The following EIF4E variants were observed in gnomAD, a reference collection of about 807,000 sequenced individuals.
EIF4E encodes the protein eIF-4F 25 kDa subunit.
For missense variants in EIF4E, 113 were observed against 265.6 expected (o/e 0.43, Z 3.99); for synonymous variants, 71 against 88.5 (o/e 0.80, Z 1.11).
chr4:98,881,991 A>G (rs1723711551), intron 6 of EIF4E, among the ~76,000 whole-genome samples: 1 of 152,200 alleles, frequency 6.6e-6, no homozygotes, highest in Admixed American at 6.5e-5. Flanking sequence ...AAAGCTGAGA[A>G]ATAAAAATTA....
intron 2 of EIF4E, among the ~76,000 whole-genome samples, chr4:98,898,991 G>A (rs968518056): frequency 1.3e-5 from 2 of 150,876 alleles, no homozygotes; most frequent in African/African-American, 2.4e-5. Context: ...TCCTAAAATT[G>A]ATATGAAACC....
intron 3 of EIF4E, 98 bp from the exon 4 acceptor site, chr4:98,888,050 CAG>C: frequency 4.8e-6 from 5 of 1,038,610 alleles, no homozygotes; most frequent in African/African-American, 1.6e-5. Context: ...TGAAAATAAA[CAG>C]ATAAAAGTTC....
At chr4:98,897,963 G>A (rs991914094) in intron 2 of EIF4E, among the ~76,000 whole-genome samples, 1 of 152,146 alleles carries the variant, frequency 6.6e-6, no homozygotes, top group Admixed American at 6.5e-5. Flanking sequence ...TCTTACACAG[G>A]TAAGAGATCC....
At chr4:98,881,651 C>A (rs1469819403) in intron 6 of EIF4E, among the ~76,000 whole-genome samples, 4 of 152,134 alleles carry the variant, frequency 2.6e-5, no homozygotes, top group African/African-American at 7.2e-5. Context: ...TATTACTACA[C>A]AAATTATATT....
chr4:98,922,553 CAAAAA>C (rs1157510228), intron 1 of EIF4E, among the ~76,000 whole-genome samples: 1 of 74,168 alleles, frequency 1.3e-5, no homozygotes, highest in African/African-American at 4.7e-5. Flanking sequence ...GACGCTGTCT[CAAAAA>C]AAAAAAAAAA....
chr4:98,918,255 C>G (rs1311939740), intron 1 of EIF4E, among the ~76,000 whole-genome samples: 1 of 146,438 alleles, frequency 6.8e-6, no homozygotes, highest in Non-Finnish European at 1.5e-5. Context: ...TCCAGCTGGT[C>G]GGGAGGCTGA....
chr4:98,918,557 T>C (rs1223970496), intron 1 of EIF4E, among the ~76,000 whole-genome samples: 1 of 152,130 alleles, frequency 6.6e-6, no homozygotes, highest in Non-Finnish European at 1.5e-5. Context: ...TTCAATCCGT[T>C]GTCAAAACAT....
At chr4:98,917,617 A>G (rs937470298) in intron 1 of EIF4E, among the ~76,000 whole-genome samples, 1 of 152,164 alleles carries the variant, frequency 6.6e-6, no homozygotes, top group African/African-American at 2.4e-5. Flanking sequence ...CATACATGGG[A>G]GGTTAATGTA....
rs1724979641 is a variant in EIF4E, at chr4:98,908,578, G to A, written c.19-6596C>T. Among the ~76,000 whole-genome samples, 2 of 152,186 alleles carry A rather than the reference G, an allele frequency of 1.3e-5. 1 individual carries two copies. Among genetic ancestry groups the A allele is most frequent in the South Asian group, 4.1e-4 (2 of 4,830 alleles). On this transcript the variant is annotated intron_variant, in intron 1 of 6. Coordinates refer to ENST00000450253, the MANE Select transcript of EIF4E (RefSeq NM_001968.5). ...ATATTAAATAAAGGTATGAAATAAT[G>A]AGCAGAAGGACAGACACAGTAAGAA...
At chr4:98,904,297 GAAGA>G (rs1432738776) in intron 1 of EIF4E, among the ~76,000 whole-genome samples, 1 of 152,104 alleles carries the variant, frequency 6.6e-6, no homozygotes, top group Non-Finnish European at 1.5e-5. Context: ...GAAGAAAGGG[GAAGA>G]AAGAAAAAGA....
At chr4:98,883,392 A>ATTTTT (rs1479416116) in intron 6 of EIF4E, among the ~76,000 whole-genome samples, 5 of 108,688 alleles carry the variant, frequency 4.6e-5, no homozygotes, top group Non-Finnish European at 7.2e-5. Context: ...TTGTAAGTCA[A>ATTTTT]ATTTTTTTTT....
intron 1 of EIF4E, among the ~76,000 whole-genome samples, chr4:98,904,473 T>C (rs1258816861): frequency 1.3e-5 from 2 of 152,148 alleles, no homozygotes; most frequent in Admixed American, 6.6e-5. Flanking sequence ...AGTCTTCATA[T>C]CAAGAACACA....
chr4:98,911,119 G>A (rs1435155813), intron 1 of EIF4E, among the ~76,000 whole-genome samples: 3 of 151,212 alleles, frequency 2.0e-5, no homozygotes, highest in Non-Finnish European at 4.4e-5. Flanking sequence ...GCGCGATCTC[G>A]GCTCACTGCA....
At chr4:98,895,488 C>A (rs1317997629) in intron 2 of EIF4E, 1 of 152,164 alleles carries the variant, frequency 6.6e-6, no homozygotes, top group African/African-American at 2.4e-5. Flanking sequence ...TTCTCATCAA[C>A]ACGAATGTTG....
chr4:98,888,547 GATTATAA>G (rs1170977452), intron 3 of EIF4E, among the ~76,000 whole-genome samples: 2 of 151,998 alleles, frequency 1.3e-5, no homozygotes, highest in Non-Finnish European at 2.9e-5. Context: ...TACATCTTGG[GATTATAA>G]TCACCTAAAT....
chr4:98,884,589 A>C (rs1379419475), intron 6 of EIF4E, among the ~76,000 whole-genome samples: 2 of 152,116 alleles, frequency 1.3e-5, no homozygotes, highest in African/African-American at 4.8e-5. Context: ...CTGTATTCCC[A>C]GCTACTCGGG....
At position 98,902,511 on chromosome 4, in the gene EIF4E, A is replaced by G. The variant is rs142204635; in HGVS notation, c.19-529T>C. 7.9e-4 allele frequency among the ~76,000 whole-genome samples: 121 copies of G among 152,376 alleles called. No homozygotes were observed. The East Asian group carries it at 0.014, about 17-fold the overall frequency. On this transcript the variant is annotated intron_variant, in intron 1 of 6. Transcript: ENST00000450253. ...CAAACGGTTTCTCAAATTTGAAAAT[A>G]TAACAGTATTTATAGTTATCCTTCC...
chr4:98,916,130 G>T (rs1725369914), intron 1 of EIF4E, among the ~76,000 whole-genome samples: 1 of 151,930 alleles, frequency 6.6e-6, no homozygotes, highest in Non-Finnish European at 1.5e-5. Flanking sequence ...GACAGAGGTT[G>T]CAGTGAGCCA....
intron 1 of EIF4E, 50 bp from the exon 2 acceptor site, chr4:98,902,032 T>A: frequency 6.6e-7 from 1 of 1,514,654 alleles, no homozygotes; most frequent in Non-Finnish European, 9.2e-7. Flanking sequence ...AACACATCTA[T>A]GACAGCAATA....
Sources: gnomAD v4.1 joint callset for allele counts (sites outside exome capture counted in the v4.1 genomes callset) on GRCh38, gnomAD v4.1.1 for gene constraint, MANE v1.5 for transcripts, NCBI Gene and HGNC (gene_info 2026-07-23, HGNC 2026-07-21) for gene names.